The following ME1 variants were observed in gnomAD, a reference collection of about 807,000 sequenced individuals.
ME1 encodes malic enzyme 1, also known as NADP-dependent malic enzyme.
A neutral mutation model predicts 66.4 loss-of-function variants in ME1; 74 were observed. The observed-to-expected ratio is 1.11, with a 90% confidence interval of 0.92 to 1.35. ME1 has a LOEUF of 1.35. Among genes scored for constraint, ME1 ranks in the 40% most tolerant of loss-of-function variants. The pLI, the probability that ME1 is intolerant of heterozygous loss-of-function variation, is 0.00. For missense variants in ME1, 750 were observed against 694.1 expected (o/e 1.08, Z -0.90); for synonymous variants, 251 against 235.6 (o/e 1.07, Z -0.60).
intron 2 of ME1, among the ~76,000 whole-genome samples, chr6:83,399,337 A>T (rs1377305408): frequency 6.6e-6 from 1 of 152,172 alleles, no homozygotes; most frequent in Admixed American, 6.5e-5. Flanking sequence ...AGAACCATAA[A>T]CTTAACTAAT....
At position 83,328,156 on chromosome 6, in the gene ME1, G is replaced by A. The variant is rs143944960; in HGVS notation, c.601-12743C>T. On this transcript the variant is annotated intron_variant, in intron 5 of 13. Transcript: ENST00000369705. Reference sequence around the variant, plus strand: ...TAGCCATATAAAAGAATGAGTTCACGTCCTTTGCAGGGACATGGATGAAGC... The same window carrying A: ...TAGCCATATAAAAGAATGAGTTCACATCCTTTGCAGGGACATGGATGAAGC... Among the ~76,000 whole-genome samples the A allele has an allele frequency of 4.6e-3, 698 of 152,240 alleles. 2 individuals carry two copies. The highest frequency in any genetic ancestry group is 0.015 in the African/African-American group (636 of 41,528).
chr6:83,213,420 A>G (rs761506350), intron 13 of ME1, among the ~76,000 whole-genome samples: 2 of 151,946 alleles, frequency 1.3e-5, no homozygotes, highest in South Asian at 2.1e-4. Flanking sequence ...GCAAAACTCC[A>G]TCTCAAAAAC....
At chr6:83,288,338 G>GT (rs1329583802) in intron 6 of ME1, among the ~76,000 whole-genome samples, 1 of 152,094 alleles carries the variant, frequency 6.6e-6, no homozygotes, top group Non-Finnish European at 1.5e-5. Context: ...TGTATAAGGC[G>GT]TAAGGAAGGG....
intron 1 of ME1, among the ~76,000 whole-genome samples, chr6:83,414,768 T>G (rs1457330188): frequency 6.6e-6 from 1 of 152,242 alleles, no homozygotes; most frequent in African/African-American, 2.4e-5. Context: ...ATGTCAACAC[T>G]AAATTTTCCC....
intron 5 of ME1, among the ~76,000 whole-genome samples, chr6:83,326,641 A>T (rs1768297645): frequency 6.6e-6 from 1 of 152,232 alleles, no homozygotes; most frequent in Non-Finnish European, 1.5e-5. Flanking sequence ...AAAGCTCATC[A>T]TCACTGGTCA....
chr6:83,386,079 A>T (rs1287363132), intron 3 of ME1, among the ~76,000 whole-genome samples: 2 of 151,964 alleles, frequency 1.3e-5, no homozygotes, highest in African/African-American at 4.8e-5. Flanking sequence ...ACCTTAAAGT[A>T]GGGGTAAGCC....
intron 9 of ME1, among the ~76,000 whole-genome samples, chr6:83,233,795 A>G (rs1790345392): frequency 6.6e-6 from 1 of 152,074 alleles, no homozygotes; most frequent in East Asian, 1.9e-4. Flanking sequence ...AAAAAACACA[A>G]AAGAATCATG....
At chr6:83,396,883 GA>G (rs1769742598) in intron 3 of ME1, among the ~76,000 whole-genome samples, 1 of 152,096 alleles carries the variant, frequency 6.6e-6, no homozygotes, top group Non-Finnish European at 1.5e-5. Context: ...AAGTGAAATG[GA>G]GAAAGAACAG....
chr6:83,359,553 T>C (rs770944633), intron 3 of ME1, among the ~76,000 whole-genome samples: 1 of 152,192 alleles, frequency 6.6e-6, no homozygotes, highest in Non-Finnish European at 1.5e-5. Context: ...GTTCTAATAG[T>C]TTATTTACTT....
chr6:83,306,899 GT>G (rs546063993), intron 6 of ME1, among the ~76,000 whole-genome samples: 3 of 152,054 alleles, frequency 2.0e-5, no homozygotes, highest in Non-Finnish European at 4.4e-5. Flanking sequence ...CAAAAACAGT[GT>G]AAAACATTTA....
chr6:83,278,578 A>G (rs1400473111), intron 6 of ME1, among the ~76,000 whole-genome samples: 1 of 151,898 alleles, frequency 6.6e-6, no homozygotes, highest in African/African-American at 2.4e-5. Flanking sequence ...ACTAACTGTG[A>G]TTATGGATGC....
intron 3 of ME1, among the ~76,000 whole-genome samples, chr6:83,374,214 A>G (rs1165822228): frequency 2.0e-5 from 3 of 152,236 alleles, no homozygotes; most frequent in African/African-American, 7.2e-5. Context: ...TTACATTCCC[A>G]CGAACAATGT....
chr6:83,257,593 T>C (rs1766802552), intron 6 of ME1, among the ~76,000 whole-genome samples: 1 of 152,168 alleles, frequency 6.6e-6, no homozygotes, highest in Non-Finnish European at 1.5e-5. Context: ...CTACTCCTTT[T>C]ATGTATGATG....
rs1790222803 is a variant in ME1, at chr6:83,227,583, C to A, written c.1133-106G>T. Reference sequence around the variant, plus strand: ...ATCTATCAGCTCATTTTCTAATAGACCCTAAACAAAATGCTATATAAACTA... The same window carrying A: ...ATCTATCAGCTCATTTTCTAATAGAACCTAAACAAAATGCTATATAAACTA... On this transcript the variant is annotated intron_variant, in intron 10 of 13. Coordinates refer to ENST00000369705, the MANE Select transcript of ME1 (RefSeq NM_002395.6). The A allele has an allele frequency of 5.2e-6, 5 of 966,832 alleles. No individual in the cohort carries two copies. In the East Asian group the frequency reaches 1.1e-4, roughly 20 times the overall value. The allele number at this position is 966,832 out of a possible 1,614,324, so 59.9% of individuals were successfully genotyped here. A position where few individuals can be genotyped will look rare whatever the true frequency, so the allele number is the denominator to read the frequency against.
At chr6:83,390,465 A>G (rs1479000468) in intron 3 of ME1, among the ~76,000 whole-genome samples, 1 of 152,168 alleles carries the variant, frequency 6.6e-6, no homozygotes, top group Non-Finnish European at 1.5e-5. Flanking sequence ...CATTCACATC[A>G]TTCACGCATC....
At chr6:83,285,804 G>A (rs1385551983) in intron 6 of ME1, among the ~76,000 whole-genome samples, 5 of 152,122 alleles carry the variant, frequency 3.3e-5, no homozygotes, top group Non-Finnish European at 7.4e-5. Flanking sequence ...TTTCAAATAC[G>A]ACAAAAGATT....
intron 5 of ME1, among the ~76,000 whole-genome samples, chr6:83,319,088 G>A (rs1221188889): frequency 1.3e-5 from 2 of 150,722 alleles, no homozygotes; most frequent in African/African-American, 4.9e-5. Context: ...TCACTCATAG[G>A]TGGGAACTGA....
intron 5 of ME1, among the ~76,000 whole-genome samples, chr6:83,329,831 A>AT: frequency 1.3e-5 from 2 of 151,966 alleles, no homozygotes; most frequent in African/African-American, 4.8e-5. Context: ...TTTTAAAATT[A>AT]TTTTTTAGAG....
chr6:83,307,947 T>C (rs369194072), intron 6 of ME1, among the ~76,000 whole-genome samples: 1 of 152,154 alleles, frequency 6.6e-6, no homozygotes, highest in African/African-American at 2.4e-5. Context: ...ATCTGATAAG[T>C]GACCCTCAAG....
Sources: gnomAD v4.1 joint callset for allele counts (sites outside exome capture counted in the v4.1 genomes callset) on GRCh38, gnomAD v4.1.1 for gene constraint, MANE v1.5 for transcripts, NCBI Gene and HGNC (gene_info 2026-07-23, HGNC 2026-07-21) for gene names.